DCST1: variants seen among roughly 807,000 people sequenced by gnomAD.
The protein encoded by DCST1 is DC-STAMP domain containing 1, also known as E3 ubiquitin-protein ligase DCST1.
DCST1 carries 78 observed loss-of-function variants against 89.1 expected under a neutral mutation model. The observed-to-expected ratio is 0.88, with a 90% CI of 0.73 to 1.06. DCST1 has a LOEUF of 1.06. Ranked by LOEUF, DCST1 falls within the 50% of genes least tolerant of loss-of-function variation. The probability of loss-of-function intolerance (pLI) is 0.00; values close to 1 mark genes in which losing one functional copy is unlikely to be tolerated. For synonymous variants in DCST1, 364 were observed against 371.9 expected (o/e 0.98, Z 0.24); for missense variants, 900 against 928.6 (o/e 0.97, Z 0.40).
At position 155,050,728 on chromosome 1, in the gene DCST1, C is replaced by A. The variant is rs1327262056; in HGVS notation, c.1981C>A (p.Arg661=). The A allele has an allele frequency of 6.2e-7, 1 of 1,609,954 alleles. No homozygotes were observed. The highest frequency in any genetic ancestry group is 1.7e-5 in the Admixed American group (1 of 59,710). The change falls in exon 17 of 17, where the codon CGG becomes AGG. Residue 661 remains arginine (R), a synonymous_variant. Transcript: ENST00000295542. ...APETPESYVC[R]TLDCEAVYCW... The stretch of plus-strand genomic sequence containing the variant: ...CGAGACGCCCGAGTCCTACGTGTGC[C>A]GGACGCTGGACTGCGAGGCCGTGTA...
chr1:155,033,842 G>A lies in DCST1; in HGVS notation c.-78G>A. The A allele has an allele frequency of 7.3e-7, 1 of 1,361,534 alleles. No homozygotes were observed. The highest frequency in any genetic ancestry group is 1.5e-5 in the African/African-American group (1 of 68,808). The allele number at this position is 1,361,534 out of a possible 1,614,324, so 84.3% of individuals were successfully genotyped here. A position where few individuals can be genotyped will look rare whatever the true frequency, so the allele number is the denominator to read the frequency against. ...AATCCTTGACCCAGTTCCGAGGACTGGAGAGGGGATAGGTAGGTCTCTAAT... is the reference window on the plus strand; with the variant it reads ...AATCCTTGACCCAGTTCCGAGGACTAGAGAGGGGATAGGTAGGTCTCTAAT... On this transcript the variant is annotated 5_prime_UTR_variant, in exon 1 of 17. Transcript: ENST00000295542.
At chr1:155,034,632 G>A (rs1270700909) in intron 3 of DCST1, 21 bp from the exon 4 acceptor site, 1 of 1,614,156 alleles carries the variant, frequency 6.2e-7, no homozygotes, top group Middle Eastern at 1.6e-4. Flanking sequence ...TTTGGCCTTT[G>A]GCTTGACCTT....
intron 14 of DCST1, 86 bp from the exon 15 acceptor site, chr1:155,047,701 C>A (rs891835230): frequency 3.2e-6 from 4 of 1,250,546 alleles, no homozygotes; most frequent in Admixed American, 3.7e-5. Context: ...GAGGACTGCA[C>A]CTCCCACTGG....
chr1:155,040,985 G>A (rs1183489695), intron 6 of DCST1, among the ~76,000 whole-genome samples: 1 of 152,146 alleles, frequency 6.6e-6, no homozygotes, highest in Non-Finnish European at 1.5e-5. Context: ...TGGGGGTTTG[G>A]GAGAATTGGA....
chr1:155,034,258 T>C (rs1660196459), intron 2 of DCST1, 161 bp downstream of exon 2: 6 of 1,555,408 alleles, frequency 3.9e-6, no homozygotes, highest in South Asian at 2.3e-5. Context: ...GCCTTTGCTG[T>C]CCCTTACACC....
In DCST1 at chr1:155,040,324, G is replaced by A. The variant is rs972274206; in HGVS notation, c.392-161G>A. ...TCTCAAAAAAAAAAAAAAAAAAACA[G>A]TGAAAAAAATCAAAGGTTGAACAAG... On this transcript the variant is annotated intron_variant, in intron 5 of 16. Coordinates refer to ENST00000295542, the MANE Select transcript of DCST1 (RefSeq NM_152494.4). Among the ~76,000 whole-genome samples the A allele has an allele frequency of 2.7e-5, 4 of 149,780 alleles. No individual in the cohort carries two copies. The South Asian group carries it at 8.5e-4, about 32-fold the overall frequency.
At chr1:155,040,707 T>A in intron 6 of DCST1, 83 bp downstream of exon 6, 1 of 1,472,552 alleles carries the variant, frequency 6.8e-7, no homozygotes, top group Non-Finnish European at 9.0e-7. Context: ...TCACCCTGGA[T>A]TTACAGTTTC....
rs1204474952 is a variant in DCST1 at position 155,047,876 on chromosome 1, C to T, written c.1702C>T (p.Gln568Ter). ...IGLLVCLCLL[Q>*]AFGYRLRRVI... ...CCTGTTAGTGTGTCTCTGCCTGTTA[C>T]AGGCTTTTGGCTACCGACTCCGGAG... Residue 568 changes from glutamine to a stop codon, truncating the protein, a stop_gained, in exon 15 of 17, where the codon CAG (glutamine) becomes TAG (stop). Coordinates refer to ENST00000295542, the MANE Select transcript of DCST1 (RefSeq NM_152494.4). LOFTEE classifies it high-confidence loss of function. 3 of 1,614,194 alleles carry T rather than the reference C, an allele frequency of 1.9e-6. No individual in the cohort carries two copies. Among genetic ancestry groups the T allele is most frequent in the East Asian group, 2.2e-5 (1 of 44,872 alleles).
intron 9 of DCST1, 83 bp downstream of exon 9, chr1:155,042,939 A>AAGAAGT (rs1643959901): frequency 1.3e-6 from 2 of 1,526,590 alleles, no homozygotes; most frequent in Non-Finnish European, 1.8e-6. Context: ...AGGAAGGACA[A>AAGAAGT]GTGAGAGGGC....
chr1:155,041,579 G>A lies in DCST1; in HGVS notation c.714G>A (p.Lys238=), dbSNP rs770997531. 6.2e-6 allele frequency: 10 copies of A among 1,614,128 alleles called. No individual in the cohort carries two copies. The highest frequency in any genetic ancestry group is 2.2e-5 in the East Asian group (1 of 44,892). Residue 238 remains lysine (K), a synonymous_variant, in exon 7 of 17, where the codon AAG becomes AAA. Transcript: ENST00000295542. Reference sequence around the variant, plus strand: ...CCAGACTCCACCTGTCGACACAGAAGATGTATGAGCTGAAGACCAAGCTGC... The same window carrying A: ...CCAGACTCCACCTGTCGACACAGAAAATGTATGAGCTGAAGACCAAGCTGC... ...PASRLHLSTQ[K]MYELKTKLRC...
rs1490057487 is a variant in DCST1 at position 155,047,188 on chromosome 1, G to A, written c.1496-8G>A. 6.2e-7 allele frequency: 1 copy of A among 1,612,606 alleles called. No homozygotes were observed. Among genetic ancestry groups the A allele is most frequent in the Admixed American group, 1.7e-5 (1 of 60,016 alleles). On this transcript the variant is annotated splice_region_variant and splice_polypyrimidine_tract_variant and intron_variant, in intron 13 of 16. Transcript: ENST00000295542. ...CCCTGACTTCCCTACCTGTCCTCCT[G>A]GCCGCAGGCAGTCATAAACTGGAGG...
At chr1:155,034,882 G>A in intron 4 of DCST1, 155 bp downstream of exon 4, 1 of 753,698 alleles carries the variant, frequency 1.3e-6, no homozygotes, top group Non-Finnish European at 2.2e-6. Flanking sequence ...GGTCCAGAGG[G>A]AAGAGGCTGC....
In DCST1 at chr1:155,050,896, C is replaced by T; in HGVS notation, c.*28C>T. 6.3e-7 allele frequency: 1 copy of T among 1,598,928 alleles called. No individual in the cohort carries two copies. Among genetic ancestry groups the T allele is most frequent in the Non-Finnish European group, 8.6e-7 (1 of 1,168,766 alleles). On this transcript the variant is annotated 3_prime_UTR_variant, in exon 17 of 17. Transcript: ENST00000295542. ...AGGCGTCCTGCTCGCTCTTCCGCAC[C>T]GTCCTTCCCGGTTAATAAAATGCCC...
At position 155,050,798 on chromosome 1, in the gene DCST1, G is replaced by T; in HGVS notation, c.2051G>T (p.Cys684Phe). ...GACATGCGGCAGCGGTGCCCGGTCT[G>T]CACGCCCCGCGAAGAGCTCTCTTCC... ...WDDMRQRCPV[C>F]TPREELSSSA... The change falls in exon 17 of 17, where the codon TGC (cysteine) becomes TTC (phenylalanine). Residue 684 changes from cysteine (C) to phenylalanine (F), a missense_variant. Transcript: ENST00000295542. The T allele has an allele frequency of 6.2e-7, 1 of 1,611,774 alleles. No individual in the cohort carries two copies. The highest frequency in any genetic ancestry group is 8.5e-7 in the Non-Finnish European group (1 of 1,179,170).
At chr1:155,041,373 T>C (rs1252204619) in intron 6 of DCST1, 24 bp from the exon 7 acceptor site, 1 of 1,612,250 alleles carries the variant, frequency 6.2e-7, no homozygotes, top group African/African-American at 1.3e-5. Context: ...CCTCACCCTT[T>C]CCTCCCTCCA....
chr1:155,036,666 A>G (rs958194353), intron 4 of DCST1, among the ~76,000 whole-genome samples: 1 of 152,238 alleles, frequency 6.6e-6, no homozygotes, highest in Non-Finnish European at 1.5e-5. Flanking sequence ...TAAGTCACTA[A>G]TGCTATTATA....
In DCST1 at chr1:155,033,969, C is replaced by A. The variant is rs1660187014; in HGVS notation, c.-65-3C>A. On this transcript the variant is annotated splice_polypyrimidine_tract_variant and splice_region_variant and intron_variant, in intron 1 of 16. Transcript: ENST00000295542. ...ACAGGCAGCACCTCTCTTCTCTCAC[C>A]AGAACCTTGTGTCCAAGGAGGTCCT... The A allele has an allele frequency of 6.3e-7, 1 of 1,592,074 alleles. No individual in the cohort carries two copies. Among genetic ancestry groups the A allele is most frequent in the Non-Finnish European group, 8.6e-7 (1 of 1,160,978 alleles).
intron 16 of DCST1, among the ~76,000 whole-genome samples, chr1:155,049,700 T>C (rs1015639470): frequency 2.0e-5 from 3 of 152,164 alleles, no homozygotes; most frequent in Admixed American, 6.5e-5. Flanking sequence ...TGAGACTGTG[T>C]TTGCTTAGCT....
At position 155,039,464 on chromosome 1, in the gene DCST1, AC is replaced by A. The variant is rs1239480326; in HGVS notation, c.327del (p.Lys110ArgfsTer24). Reference sequence around the variant, plus strand: ...TCCGCTGTGCCAGCCTCCTACTAGTACCCAAGATGCTGGGCAAGGAAGGCAG... The same window carrying A: ...TCCGCTGTGCCAGCCTCCTACTAGTACCAAGATGCTGGGCAAGGAAGGCAG... ...HIRCASLLLV[P>X]KMLGKEGRLF... On this transcript the variant is annotated frameshift_variant, in exon 5 of 17. Coordinates refer to ENST00000295542, the MANE Select transcript of DCST1 (RefSeq NM_152494.4). LOFTEE classifies it high-confidence loss of function. The A allele has an allele frequency of 6.2e-7, 1 of 1,601,510 alleles. No individual in the cohort carries two copies. Among genetic ancestry groups the A allele is most frequent in the African/African-American group, 1.3e-5 (1 of 74,460 alleles).
Sources: gnomAD v4.1 joint callset for allele counts (sites outside exome capture counted in the v4.1 genomes callset) on GRCh38, gnomAD v4.1.1 for gene constraint, MANE v1.5 for transcripts, NCBI Gene and HGNC (gene_info 2026-07-23, HGNC 2026-07-21) for gene names.